Variants in ZNF839 observed in about 807,000 individuals in gnomAD.
ZNF839 encodes zinc finger protein 839, also known as renal carcinoma antigen NY-REN-50.
A neutral mutation model predicts 56.4 loss-of-function variants in ZNF839; 38 were observed. That is an observed-to-expected ratio of 0.67 (90% CI 0.52 to 0.88). The LOEUF is 0.88. Among genes scored for constraint, ZNF839 ranks in the 40% least tolerant of loss-of-function variants. The pLI is 0.00. For missense variants in ZNF839, 1,091 were observed against 1,177.6 expected, an observed-to-expected ratio of 0.93 and a Z score of 1.08; for synonymous variants, 486 against 493.5, an observed-to-expected ratio of 0.98 and a Z score of 0.20.
At chr14:102,317,537 T>C, upstream of ZNF839, 1 of 151,046 alleles carries the variant, frequency 6.6e-6, no homozygotes, top group Non-Finnish European at 1.5e-5. Context: ...TATCACCGCC[T>C]AGTGTTCCCT....
Position 102,341,763 on chromosome 14 carries a change from G to A in ZNF839, c.2368G>A (p.Val790Ile), listed in dbSNP as rs370117834. The A allele has an allele frequency of 5.6e-6, 9 of 1,613,984 alleles. No homozygotes were observed. Among genetic ancestry groups the A allele is most frequent in the South Asian group, 2.2e-5 (2 of 91,088 alleles). Reference protein sequence around the residue: ...LNHQQPSPTSVLPTEVAAPPL... With the variant: ...LNHQQPSPTSILPTEVAAPPL... ...CCACCAGCAGCCCAGCCCCACCAGC[G>A]TCCTGCCTACAGAGGTGGCAGCCCC... is the stretch of plus-strand genomic sequence containing the variant. Residue 790 changes from valine to isoleucine, a missense_variant, in exon 8 of 8, where the codon GTC becomes ATC. Around this residue, in one of 3 missense-constraint regions of ZNF839, gnomAD observed 431 missense variants for 468.0 expected, o/e 0.92. Transcript: ENST00000442396.
intron 2 of ZNF839, among the ~76,000 whole-genome samples, chr14:102,330,225 T>G (rs753561590): frequency 2.0e-5 from 3 of 152,000 alleles, no homozygotes; most frequent in Non-Finnish European, 4.4e-5. Flanking sequence ...TCTCTCTCTT[T>G]TTTTAATTTT....
chr14:102,328,328 T>A (rs1324041802), intron 2 of ZNF839, among the ~76,000 whole-genome samples: 2 of 114,564 alleles, frequency 1.7e-5, no homozygotes, highest in Non-Finnish European at 3.3e-5. Context: ...CACTCCAGCC[T>A]GGGCAACAAG....
intron 2 of ZNF839, among the ~76,000 whole-genome samples, chr14:102,327,718 C>G (rs965669965): frequency 2.0e-5 from 3 of 152,214 alleles, no homozygotes; most frequent in Non-Finnish European, 4.4e-5. Flanking sequence ...ACCAGAATCA[C>G]TCTAGTGGAG....
chr14:102,331,391 G>C (rs2073771962), intron 2 of ZNF839: 1 of 439,374 alleles, frequency 2.3e-6, no homozygotes, highest in African/African-American at 2.0e-5. Flanking sequence ...CAGGACTACA[G>C]GCGCGCGCCA....
chr14:102,333,939 C>T (rs1336686162), intron 3 of ZNF839, among the ~76,000 whole-genome samples: 4 of 152,186 alleles, frequency 2.6e-5, no homozygotes, highest in African/African-American at 7.2e-5. Flanking sequence ...GTCCTGTGGT[C>T]GCTAAGCCTG....
upstream of ZNF839, chr14:102,319,161 T>G (rs1167638690): frequency 6.6e-6 from 1 of 152,284 alleles, no homozygotes; most frequent in Non-Finnish European, 1.5e-5. The surrounding 1 kb of genome is among the most constrained non-coding windows in gnomAD (Gnocchi z 4.5). Flanking sequence ...CCATCATTCA[T>G]GCCCTGAGCG....
In ZNF839 at chr14:102,342,212, G is replaced by T; in HGVS notation, c.*33G>T. The T allele has an allele frequency of 6.4e-7, 1 of 1,552,026 alleles. No homozygotes were observed. Among genetic ancestry groups the T allele is most frequent in the Non-Finnish European group, 8.7e-7 (1 of 1,146,012 alleles). ...TCCTCTAGAAGCTGTGGAGTCGGTC[G>T]TCACCGTGGAGCCAGAGCCCTCACA... On this transcript the variant is annotated 3_prime_UTR_variant, in exon 8 of 8. Coordinates refer to ENST00000442396, the MANE Select transcript of ZNF839 (RefSeq NM_018335.6).
In ZNF839 at chr14:102,326,830, A is replaced by G. The variant is rs375295594; in HGVS notation, c.1134A>G (p.Pro378=). The G allele has an allele frequency of 4.3e-6, 7 of 1,610,704 alleles. No homozygotes were observed. In the African/African-American group the frequency reaches 8.0e-5, roughly 18 times the overall value. ...TGGGGCTGTCCATGCCAGCGGATCC[A>G]TGTGAGGGAGGGGCCCGCTCCTGCT... ...TSLGLSMPAD[P]CEGGARSCLV... is the part of the protein sequence containing the mutation. Residue 378 remains proline, a synonymous_variant, in exon 2 of 8, where the codon CCA becomes CCG. Coordinates refer to ENST00000442396, the MANE Select transcript of ZNF839 (RefSeq NM_018335.6). This position sits in a 1 kb window ranked among gnomAD's most constrained non-coding sequence, Gnocchi z 4.3.
chr14:102,331,699 C>T lies in ZNF839; in HGVS notation c.1269C>T (p.Tyr423=). The T allele has an allele frequency of 6.2e-7, 1 of 1,611,858 alleles. No individual in the cohort carries two copies. Among genetic ancestry groups the T allele is most frequent in the Non-Finnish European group, 8.5e-7 (1 of 1,178,954 alleles). The change falls in exon 3 of 8, where the codon TAC becomes TAT. Residue 423 remains tyrosine, a synonymous_variant. Transcript: ENST00000442396. ...ENGALLRSER[Y]QGPRRRACSE... Reference sequence around the variant, plus strand: ...GAGCTCTTTTGCGATCAGAGAGATACCAAGGACCTAGAAGACGCGCATGCT... The same window carrying T: ...GAGCTCTTTTGCGATCAGAGAGATATCAAGGACCTAGAAGACGCGCATGCT...
chr14:102,333,482 C>T (rs1282018935), intron 3 of ZNF839, among the ~76,000 whole-genome samples: 3 of 152,024 alleles, frequency 2.0e-5, no homozygotes, highest in Non-Finnish European at 2.9e-5. Context: ...AAGCTGGTCT[C>T]GAACTCCTAC....
At chr14:102,318,881 G>T (rs540490451), upstream of ZNF839, among the ~76,000 whole-genome samples, 1 of 152,264 alleles carries the variant, frequency 6.6e-6, no homozygotes, top group Non-Finnish European at 1.5e-5. Flanking sequence ...TCGGCACCTA[G>T]ACTGTATACC....
intron 7 of ZNF839, among the ~76,000 whole-genome samples, chr14:102,340,521 C>T (rs563919247): frequency 6.6e-6 from 1 of 152,228 alleles, no homozygotes; most frequent in Non-Finnish European, 1.5e-5. Context: ...ATCTGCCCGC[C>T]TCAGCCTCCC....
chr14:102,329,191 G>C (rs184051881), intron 2 of ZNF839, among the ~76,000 whole-genome samples: 1 of 151,854 alleles, frequency 6.6e-6, no homozygotes, highest in African/African-American at 2.4e-5. Context: ...AGATGGTCTC[G>C]ATCGCTTGAC....
rs2073831451 is a variant in ZNF839, at chr14:102,332,433, T to C, written c.1416+587T>C. Among the ~76,000 whole-genome samples the C allele has an allele frequency of 6.6e-6, 1 of 151,724 alleles. No homozygotes were observed. The highest frequency in any genetic ancestry group is 6.6e-5 in the Admixed American group (1 of 15,214). On this transcript the variant is annotated intron_variant, in intron 3 of 7. Transcript: ENST00000442396. This position sits in a 1 kb window ranked among gnomAD's most constrained non-coding sequence, Gnocchi z 4.9. ...CAGGCATGAGCCACCATGCCCGGCC[T>C]TCAGAACCATTCTTGACTTACAGAT...
In ZNF839 at chr14:102,335,682, C is replaced by A. The variant is rs756169937; in HGVS notation, c.1510-7C>A. The A allele has an allele frequency of 6.3e-7, 1 of 1,586,824 alleles. No individual in the cohort carries two copies. Among genetic ancestry groups the A allele is most frequent in the South Asian group, 1.1e-5 (1 of 88,356 alleles). ...AAACTTTTTTTTTGGTCTTTATCTT[C>A]ACGAAGGTTGAAAAAGATCATCTAG... is the stretch of plus-strand genomic sequence containing the variant. On this transcript the variant is annotated splice_polypyrimidine_tract_variant and splice_region_variant and intron_variant, in intron 4 of 7. Transcript: ENST00000442396.
At chr14:102,338,657 T>C (rs531676511) in intron 5 of ZNF839, among the ~76,000 whole-genome samples, 159 bp from the exon 6 acceptor site, 6 of 152,280 alleles carry the variant, frequency 3.9e-5, no homozygotes, top group Admixed American at 6.5e-5. Flanking sequence ...AACATTATAT[T>C]GATCTTCATC....
intron 3 of ZNF839, 57 bp from the exon 4 acceptor site, chr14:102,334,497 G>A: frequency 7.8e-7 from 1 of 1,287,492 alleles, no homozygotes; most frequent in Non-Finnish European, 1.1e-6. Flanking sequence ...CCAACTTGTT[G>A]GCTATTGGGA....
Position 102,326,963 on chromosome 14 carries a change from G to A in ZNF839, c.1191+76G>A. The A allele has an allele frequency of 1.4e-6, 2 of 1,413,750 alleles. No individual in the cohort carries two copies. Among genetic ancestry groups the A allele is most frequent in the Non-Finnish European group, 1.9e-6 (2 of 1,069,894 alleles). 87.6% of individuals were successfully genotyped at this position (1,413,750 alleles called of 1,614,324 possible). On this transcript the variant is annotated intron_variant, in intron 2 of 7. Transcript: ENST00000442396. This position sits in a 1 kb window ranked among gnomAD's most constrained non-coding sequence, Gnocchi z 4.3. ...GCTATAAAGAAATACCTGAGACCAG[G>A]TATTTTATAAAGAAAAGAGGGTTGG...
Sources: allele counts gnomAD v4.1 joint callset (sites outside exome capture counted in the v4.1 genomes callset), GRCh38; gene constraint gnomAD v4.1.1; regional missense constraint gnomAD v4.1.1; non-coding constraint Gnocchi (gnomAD v3.1); transcripts MANE v1.5; gene names NCBI Gene and HGNC (gene_info 2026-07-23, HGNC 2026-07-21).